CAGE1: variants seen among roughly 807,000 people sequenced by gnomAD.
CAGE1 encodes the protein cancer antigen 1, also known as cancer-associated gene 1 protein.
A neutral mutation model predicts 94.9 loss-of-function variants in CAGE1; 66 were observed. The ratio of observed to expected loss-of-function variants is 0.70; its 90% CI spans 0.57 to 0.85. The LOEUF is 0.85. Among genes scored for constraint, CAGE1 ranks in the 40% least tolerant of loss-of-function variants. The pLI, the probability that CAGE1 is intolerant of heterozygous loss-of-function variation, is 0.00. For synonymous variants in CAGE1, 319 were observed against 321.0 expected, an observed-to-expected ratio of 0.99 and a Z score of 0.07; for missense variants, 865 against 950.4, an observed-to-expected ratio of 0.91 and a Z score of 1.18.
intron 11 of CAGE1, among the ~76,000 whole-genome samples, chr6:7,336,876 T>C (rs967498846): frequency 6.6e-6 from 1 of 152,206 alleles, no homozygotes; most frequent in East Asian, 1.9e-4. Context: ...TCTACTAAAA[T>C]CTTCGCCCAT....
At chr6:7,385,710 C>A in intron 3 of CAGE1, 75 bp downstream of exon 3, 1 of 771,436 alleles carries the variant, frequency 1.3e-6, no homozygotes, top group South Asian at 2.1e-5. Flanking sequence ...AGCACAAAAC[C>A]TGGCTATTGT....
chr6:7,358,066 ATATATG>A (rs1482414742), intron 9 of CAGE1, among the ~76,000 whole-genome samples: 3 of 118,388 alleles, frequency 2.5e-5, no homozygotes, highest in African/African-American at 6.2e-5. Context: ...ATATATATAT[ATATATG>A]CCTCCAAAAC....
chr6:7,357,670 C>T (rs1760004161), intron 9 of CAGE1, among the ~76,000 whole-genome samples: 1 of 152,032 alleles, frequency 6.6e-6, no homozygotes, highest in Non-Finnish European at 1.5e-5. Flanking sequence ...AAAAGAAATA[C>T]AACATTTTGA....
intron 12 of CAGE1, among the ~76,000 whole-genome samples, chr6:7,333,658 A>G (rs1305506255): frequency 8.9e-6 from 1 of 112,492 alleles, no homozygotes; most frequent in East Asian, 2.8e-4. Context: ...ATATATATAT[A>G]TATATATATA....
chr6:7,370,114 A>G (rs1378824833), intron 5 of CAGE1, 49 bp from the exon 6 acceptor site: 1 of 1,416,514 alleles, frequency 7.1e-7, no homozygotes, highest in South Asian at 1.4e-5. Flanking sequence ...AAGAACCTGA[A>G]ATATCTTTTA....
At chr6:7,388,158 A>G (rs1160793930) in intron 1 of CAGE1, among the ~76,000 whole-genome samples, 1 of 152,102 alleles carries the variant, frequency 6.6e-6, no homozygotes, top group Non-Finnish European at 1.5e-5. Flanking sequence ...CTGAGAGTGG[A>G]AAGGATGGCC....
chr6:7,341,250 G>C (rs573072991), intron 11 of CAGE1: 2 of 668,358 alleles, frequency 3.0e-6, no homozygotes, highest in East Asian at 7.4e-5. Flanking sequence ...AGCCAAAGGT[G>C]CTCACAGCAG....
Position 7,378,963 on chromosome 6 carries a change from C to T in CAGE1, c.341G>A (p.Ser114Asn), listed in dbSNP as rs1561867085. ...NALIQPVDTI[S>N]ISSLRQFETV... ...TTCAAATTGTCTCAAGGAAGATATG[C>T]TGATGGTGTCAACTGGCTGAATTAG... Residue 114 changes from serine (S) to asparagine (N), a missense_variant, in exon 4 of 14, where the codon AGC becomes AAC. Transcript: ENST00000502583. 1 of 1,572,614 alleles carries T rather than the reference C, an allele frequency of 6.4e-7. No homozygotes were observed.
At chr6:7,370,110 C>G (rs779655268) in intron 5 of CAGE1, 45 bp from the exon 6 acceptor site, 1 of 1,437,904 alleles carries the variant, frequency 7.0e-7, no homozygotes, top group South Asian at 1.4e-5. Context: ...GATGAAGAAC[C>G]TGAAATATCT....
At chr6:7,329,334 A>G (rs1243813496) in intron 13 of CAGE1, 1 of 356,520 alleles carries the variant, frequency 2.8e-6, no homozygotes, top group African/African-American at 2.1e-5. Flanking sequence ...GCCAATATGC[A>G]TGATGAGAAG....
chr6:7,347,869 G>A lies in CAGE1; in HGVS notation c.2369+7172C>T, dbSNP rs186337346. On this transcript the variant is annotated intron_variant, in intron 11 of 13. Transcript: ENST00000502583. ...TAATCCTCCTAGGTACACAACTCCA[G>A]TGACCTAGGAATCTCAACCCCATCC... Among the ~76,000 whole-genome samples the A allele has an allele frequency of 1.4e-3, 208 of 152,142 alleles. 1 individual carries two copies. The highest frequency in any genetic ancestry group is 4.7e-3 in the African/African-American group (196 of 41,498).
chr6:7,388,032 CAAAAAAAAAAAAAAA>C, intron 1 of CAGE1, among the ~76,000 whole-genome samples: 1 of 64,940 alleles, frequency 1.5e-5, no homozygotes, highest in Non-Finnish European at 3.0e-5. Context: ...GACTCCATCT[CAAAAAAAAAAAAAAA>C]AAAAAAAAGT....
intron 3 of CAGE1, among the ~76,000 whole-genome samples, chr6:7,385,295 G>A (rs974872860): frequency 2.0e-5 from 3 of 149,620 alleles, no homozygotes; most frequent in Admixed American, 6.7e-5. Context: ...GTGAGCCACC[G>A]TGCCTGGCCC....
intron 7 of CAGE1, among the ~76,000 whole-genome samples, chr6:7,366,850 AT>A (rs1165769515): frequency 6.6e-6 from 1 of 152,156 alleles, no homozygotes; most frequent in African/African-American, 2.4e-5. Context: ...CCAAGGAGTT[AT>A]CCTAACATAA....
At chr6:7,335,807 C>T (rs1181997169) in intron 11 of CAGE1, among the ~76,000 whole-genome samples, 3 of 152,180 alleles carry the variant, frequency 2.0e-5, no homozygotes, top group Non-Finnish European at 4.4e-5. Context: ...GAACTCCTGG[C>T]CTCAAGCTAT....
intron 12 of CAGE1, among the ~76,000 whole-genome samples, chr6:7,332,659 C>T (rs1758797679): frequency 6.6e-6 from 1 of 152,214 alleles, no homozygotes; most frequent in Non-Finnish European, 1.5e-5. Context: ...TCCCTGGAAA[C>T]TCCTCATAAG....
At chr6:7,371,729 G>A (rs1411055218) in intron 5 of CAGE1, among the ~76,000 whole-genome samples, 1 of 152,180 alleles carries the variant, frequency 6.6e-6, no homozygotes, top group Admixed American at 6.5e-5. Context: ...AGAGGTTGCA[G>A]TGAGAGGAGA....
intron 11 of CAGE1, among the ~76,000 whole-genome samples, chr6:7,349,027 G>A (rs1759670605): frequency 6.6e-6 from 1 of 152,172 alleles, no homozygotes; most frequent in Non-Finnish European, 1.5e-5. Flanking sequence ...CCTTGCAAGA[G>A]ACCGCAACAT....
At chr6:7,364,867 A>C (rs1335265444) in intron 9 of CAGE1, among the ~76,000 whole-genome samples, 2 of 152,230 alleles carry the variant, frequency 1.3e-5, no homozygotes, top group Non-Finnish European at 2.9e-5. Context: ...TATGTAATGA[A>C]TTTAGTATAG....
Sources: allele counts gnomAD v4.1 joint callset (sites outside exome capture counted in the v4.1 genomes callset), GRCh38; gene constraint gnomAD v4.1.1; transcripts MANE v1.5; gene names NCBI Gene and HGNC (gene_info 2026-07-23, HGNC 2026-07-21).